The following SIX5 variants were observed in gnomAD, a reference collection of about 807,000 sequenced individuals.
The protein encoded by SIX5 is homeobox protein SIX5.
A neutral mutation model predicts 37.1 loss-of-function variants in SIX5; 21 were observed. The ratio of observed to expected loss-of-function variants is 0.57; its 90% CI spans 0.40 to 0.81. The LOEUF (loss-of-function observed/expected upper bound fraction) is 0.81. Among genes scored for constraint, SIX5 ranks in the 40% least tolerant of loss-of-function variants. SIX5 has a pLI of 0.00. For synonymous variants in SIX5, 626 were observed against 505.9 expected (o/e 1.24, Z -3.19); for missense variants, 1,137 against 1,025.1 (o/e 1.11, Z -1.49).
intron 1 of SIX5, chr19:45,767,698 G>A (rs1568565120): frequency 2.6e-6 from 1 of 389,126 alleles, no homozygotes. Context: ...AAGGGGGCTG[G>A]GAGGCAGCCC....
Position 45,768,772 on chromosome 19 carries a change from T to TCGA in SIX5, c.72_73insTCG (p.Ala24_Thr25insSer), listed in dbSNP as rs1969151682. 1 of 1,525,322 alleles carries TCGA rather than the reference T, an allele frequency of 6.6e-7. No individual in the cohort carries two copies. The highest frequency in any genetic ancestry group is 1.2e-5 in the South Asian group (1 of 82,948). The allele number at this position is 1,525,322 out of a possible 1,614,324, so 94.5% of individuals were successfully genotyped here. A position where few individuals can be genotyped will look rare whatever the true frequency, so the allele number is the denominator to read the frequency against. Reference sequence around the variant, plus strand: ...CGCGCTTCCTCCTCCTCCTCTTCGGTCGCCGCCGCCGCCGCCACCGCCTCC... The same window carrying TCGA: ...CGCGCTTCCTCCTCCTCCTCTTCGGTCGACGCCGCCGCCGCCGCCACCGCCTCC... On this transcript the variant is annotated inframe_insertion, in exon 1 of 3. Transcript: ENST00000317578.
In SIX5 at chr19:45,767,097, C is replaced by T. The variant is rs1038261285; in HGVS notation, c.862G>A (p.Glu288Lys). 1 of 1,612,090 alleles carries T rather than the reference C, an allele frequency of 6.2e-7. No individual in the cohort carries two copies. The highest frequency in any genetic ancestry group is 8.5e-7 in the Non-Finnish European group (1 of 1,179,638). Reference sequence around the variant, plus strand: ...GCGGACACTGGGGCCGCCCCTCTCTCCAGGTCCTCAGGACTTCGGCTGGAC... The same window carrying T: ...GCGGACACTGGGGCCGCCCCTCTCTTCAGGTCCTCAGGACTTCGGCTGGAC... The part of the protein sequence containing the change: ...DESSRSPEDL[E>K]RGAAPVSAEA... The change falls in exon 2 of 3, where the codon GAG becomes AAG. Residue 288 changes from glutamate to lysine, a missense_variant. Glu to Lys is a moderately conservative substitution (Grantham distance 56). Around this residue, in one of 3 missense-constraint regions of SIX5, gnomAD observed 787 missense variants for 621.4 expected, o/e 1.27. Coordinates refer to ENST00000317578, the MANE Select transcript of SIX5 (RefSeq NM_175875.5).
At position 45,768,183 on chromosome 19, in the gene SIX5, C is replaced by A; in HGVS notation, c.662G>T (p.Arg221Leu). 1 of 1,612,986 alleles carries A rather than the reference C, an allele frequency of 6.2e-7. No homozygotes were observed. Among genetic ancestry groups the A allele is most frequent in the Non-Finnish European group, 8.5e-7 (1 of 1,179,790 alleles). ...GTCCGGCGTGGGGTAGCGGTTGCCG[C>A]GGTAGCAGGCCTTGAGCGCTGCGCG... is the stretch of plus-strand genomic sequence containing the variant. Reference protein sequence around the residue: ...RSRAALKACYRGNRYPTPDEK... With the variant: ...RSRAALKACYLGNRYPTPDEK... Residue 221 changes from arginine to leucine, a missense_variant, in exon 1 of 3, where the codon CGC becomes CTC. Around this residue, in one of 3 missense-constraint regions of SIX5, gnomAD observed 331 missense variants for 360.9 expected, o/e 0.92. Coordinates refer to ENST00000317578, the MANE Select transcript of SIX5 (RefSeq NM_175875.5).
In SIX5 at chr19:45,766,903, C is replaced by A; in HGVS notation, c.1056G>T (p.Glu352Asp). 8.4e-6 allele frequency: 13 copies of A among 1,553,496 alleles called. No individual in the cohort carries two copies. Among genetic ancestry groups the A allele is most frequent in the Non-Finnish European group, 1.1e-5 (13 of 1,151,984 alleles). ...PVIINGLALG[E>D]ASSLGPLLLT... is the part of the protein sequence containing the mutation. ...GCAGCAGCGGGCCCAGGCTGGAGGC[C>A]TCGCCCAGGGCCAGGCCGTTGATGA... The change falls in exon 2 of 3, where the codon GAG (glutamate) becomes GAT (aspartate). Residue 352 changes from glutamate to aspartate, a missense_variant. Physicochemically the swap from Glu to Asp is conservative, Grantham distance 45 (BLOSUM62 2). This residue lies in a region of SIX5 where 787 missense variants were observed against 621.4 expected (regional missense o/e 1.27). Transcript: ENST00000317578.
In SIX5 at chr19:45,766,797, G is replaced by A. The variant is rs1221704895; in HGVS notation, c.1162C>T (p.Pro388Ser). Reference protein sequence around the residue: ...SETKTSLVLDPQTGEVRLEEA... With the variant: ...SETKTSLVLDSQTGEVRLEEA... The stretch of plus-strand genomic sequence containing the variant: ...TCCAGCCGCACCTCCCCTGTCTGAG[G>A]GTCCAGGACCAGAGAGGTCTTGGTC... Residue 388 changes from proline (P) to serine (S), a missense_variant, in exon 2 of 3, where the codon CCT (proline) becomes TCT (serine). Pro to Ser is a moderately conservative substitution (Grantham distance 74, BLOSUM62 -1). Around this residue, in one of 3 missense-constraint regions of SIX5, gnomAD observed 787 missense variants for 621.4 expected, o/e 1.27. Transcript: ENST00000317578. 10 of 1,571,574 alleles carry A rather than the reference G, an allele frequency of 6.4e-6. No homozygotes were observed. Among genetic ancestry groups the A allele is most frequent in the Admixed American group, 1.8e-5 (1 of 55,956 alleles).
Position 45,768,352 on chromosome 19 carries a change from G to C in SIX5, c.493C>G (p.Leu165Val), listed in dbSNP as rs368485758. ...AHHAFLQDLY[L>V]RARYHEAERA... Reference sequence around the variant, plus strand: ...TCGGCCTCATGGTAGCGCGCGCGCAGGTAGAGGTCCTGCAGGAAGGCGTGG... The same window carrying C: ...TCGGCCTCATGGTAGCGCGCGCGCACGTAGAGGTCCTGCAGGAAGGCGTGG... Residue 165 changes from leucine (L) to valine (V), a missense_variant, in exon 1 of 3, where the codon CTG (leucine) becomes GTG (valine). Coordinates refer to ENST00000317578, the MANE Select transcript of SIX5 (RefSeq NM_175875.5). 1.4e-5 allele frequency: 22 copies of C among 1,599,272 alleles called. No homozygotes were observed. Among genetic ancestry groups the C allele is most frequent in the East Asian group, 4.5e-5 (2 of 44,442 alleles).
rs771232502 is a variant in SIX5, at chr19:45,766,728, C to A, written c.1231G>T (p.Ala411Ser). 2 of 1,569,964 alleles carry A rather than the reference C, an allele frequency of 1.3e-6. No individual in the cohort carries two copies. The highest frequency in any genetic ancestry group is 1.2e-5 in the South Asian group (1 of 85,898). Residue 411 changes from alanine to serine, a missense_variant, in exon 2 of 3, where the codon GCT (alanine) becomes TCT (serine). Transcript: ENST00000317578. ...EAPETKGAQV[A>S]APGPALGEEV... ...TCTCCAAGGGCTGGTCCCGGAGCAG[C>A]CACCTGGGCCCCTTTGGTCTCAGGG...
chr19:45,766,310 C>A (rs371158007), intron 2 of SIX5, 40 bp downstream of exon 2: 1 of 1,537,506 alleles, frequency 6.5e-7, no homozygotes. Context: ...GCACCCCTCC[C>A]CGGCTCTCAC....
In SIX5 at chr19:45,766,363, C is replaced by T. The variant is rs765421480; in HGVS notation, c.1596G>A (p.Ser532=). Residue 532 remains serine, a synonymous_variant, in exon 2 of 3, where the codon TCG becomes TCA. Coordinates refer to ENST00000317578, the MANE Select transcript of SIX5 (RefSeq NM_175875.5). ...AGATGGGGGTACCTGGGGCAGTGGC[C>T]GAAGGCAGCTGCAGGGCAGTCACGC... ...GVGVTALQLP[S]ATAPGNFLLA... 7 of 1,587,470 alleles carry T rather than the reference C, an allele frequency of 4.4e-6. No homozygotes were observed. Among genetic ancestry groups the T allele is most frequent in the East Asian group, 4.6e-5 (2 of 43,406 alleles).
intron 1 of SIX5, 110 bp downstream of exon 1, chr19:45,767,932 G>T: frequency 8.7e-7 from 1 of 1,151,578 alleles, no homozygotes; most frequent in Non-Finnish European, 1.2e-6. Flanking sequence ...GGTCCCGGGA[G>T]ATGTCCGAGG....
At chr19:45,767,948 G>A (rs550800552) in intron 1 of SIX5, 94 bp downstream of exon 1, 2 of 1,315,666 alleles carry the variant, frequency 1.5e-6, no homozygotes, top group Admixed American at 2.5e-5. Context: ...CGAGGACCTC[G>A]GCGCGCCGGC....
Position 45,765,491 on chromosome 19 carries a change from C to CCA in SIX5, c.*8_*9dup. The stretch of plus-strand genomic sequence containing the variant: ...ACCAATGTCGGGAGAGGCCACGGGG[C>CCA]CACACTGGGTCACAGTTCCAAGGGC... On this transcript the variant is annotated 3_prime_UTR_variant, in exon 3 of 3. Coordinates refer to ENST00000317578, the MANE Select transcript of SIX5 (RefSeq NM_175875.5). The CCA allele has an allele frequency of 6.2e-7, 1 of 1,613,256 alleles. No homozygotes were observed. Among genetic ancestry groups the CCA allele is most frequent in the East Asian group, 2.2e-5 (1 of 44,888 alleles).
rs201416246 is a variant in SIX5 at position 45,765,529 on chromosome 19, A to G, written c.2192T>C (p.Val731Ala). 11 of 1,613,286 alleles carry G rather than the reference A, an allele frequency of 6.8e-6. No individual in the cohort carries two copies. Among genetic ancestry groups the G allele is most frequent in the African/African-American group, 1.3e-5 (1 of 74,924 alleles). Residue 731 changes from valine to alanine, a missense_variant, in exon 3 of 3, where the codon GTG (valine) becomes GCG (alanine). By Grantham distance (64) the Val-to-Ala change is moderately conservative (BLOSUM62 0). Around this residue, in one of 3 missense-constraint regions of SIX5, gnomAD observed 787 missense variants for 621.4 expected, o/e 1.27. Coordinates refer to ENST00000317578, the MANE Select transcript of SIX5 (RefSeq NM_175875.5). Reference protein sequence around the residue: ...EAKVLTQLQSVPVEEPLEL With the variant: ...EAKVLTQLQSAPVEEPLEL ...CAGTTCCAAGGGCTCCTCCACAGGC[A>G]CCGACTGGAGCTGGGTCAGAACCTT...
chr19:45,768,452 G>A lies in SIX5; in HGVS notation c.393C>T (p.Ala131=), dbSNP rs1449099072. Residue 131 remains alanine (A), a synonymous_variant, in exon 1 of 3, where the codon GCC becomes GCT. Coordinates refer to ENST00000317578, the MANE Select transcript of SIX5 (RefSeq NM_175875.5). The stretch of plus-strand genomic sequence containing the variant: ...ACTCGCCCCGCTGGAAGGCCACCAG[G>A]GCCCGCGCGCGCAACACCGGGTCGC... ...RGSDPVLRAR[A]LVAFQRGEYA... is the part of the protein sequence containing the mutation. 4.6e-6 allele frequency: 7 copies of A among 1,531,518 alleles called. No homozygotes were observed. Among genetic ancestry groups the A allele is most frequent in the African/African-American group, 4.1e-5 (3 of 72,578 alleles). 94.9% of individuals were successfully genotyped at this position (1,531,518 alleles called of 1,614,324 possible).
chr19:45,768,901 A>G lies in SIX5; in HGVS notation c.-57T>C. 8.0e-7 allele frequency: 1 copy of G among 1,248,124 alleles called. No individual in the cohort carries two copies. The highest frequency in any genetic ancestry group is 2.2e-5 in the African/African-American group (1 of 45,530). The allele number at this position is 1,248,124 out of a possible 1,614,324, so 77.3% of individuals were successfully genotyped here. On this transcript the variant is annotated 5_prime_UTR_variant, in exon 1 of 3. Transcript: ENST00000317578. ...TCTCTTCCTCCCTCGGGCTTTCCCCAGCCTCCTCCCCCACCTGTCCCCCCT... is the reference window on the plus strand; with the variant it reads ...TCTCTTCCTCCCTCGGGCTTTCCCCGGCCTCCTCCCCCACCTGTCCCCCCT...
rs1969150880 is a variant in SIX5 at position 45,768,757 on chromosome 19, C to T, written c.88G>A (p.Glu30Lys). 5.2e-6 allele frequency: 8 copies of T among 1,526,798 alleles called. No homozygotes were observed. The highest frequency in any genetic ancestry group is 1.2e-5 in the South Asian group (1 of 83,076). The allele number at this position is 1,526,798 out of a possible 1,614,324, so 94.6% of individuals were successfully genotyped here. The change falls in exon 1 of 3, where the codon GAG (glutamate) becomes AAG (lysine). Residue 30 changes from glutamate (E) to lysine (K), a missense_variant. Physicochemically the swap from Glu to Lys is moderately conservative, Grantham distance 56. Transcript: ENST00000317578. ...GTCTGCAAGAGCTGGCGCGCTTCCT[C>T]CTCCTCCTCTTCGGTCGCCGCCGCC... ...AAAAATEEEE[E>K]EARQLLQTLQ... is the part of the protein sequence containing the mutation.
intron 1 of SIX5, 132 bp downstream of exon 1, chr19:45,767,910 A>T: frequency 1.0e-6 from 1 of 986,954 alleles, no homozygotes; most frequent in Non-Finnish European, 1.5e-6. Context: ...CGGGCGCCTG[A>T]GATTGTGAGC....
In SIX5 at chr19:45,765,716, G is replaced by T; in HGVS notation, c.2005C>A (p.Leu669Met). The change falls in exon 3 of 3, where the codon CTG becomes ATG. Residue 669 changes from leucine to methionine, a missense_variant. Physicochemically the swap from Leu to Met is conservative, Grantham distance 15 (BLOSUM62 2). Around this residue, in one of 3 missense-constraint regions of SIX5, gnomAD observed 787 missense variants for 621.4 expected, o/e 1.27. Transcript: ENST00000317578. ...PAAVPVWSAG[L>M]ELSAGTEGLL... ...CCCTCTGTTCCTGCGCTTAGTTCCAGCCCTGCTGACCAGACAGGCACGGCC... is the reference window on the plus strand; with the variant it reads ...CCCTCTGTTCCTGCGCTTAGTTCCATCCCTGCTGACCAGACAGGCACGGCC... The T allele has an allele frequency of 6.2e-7, 1 of 1,612,888 alleles. No individual in the cohort carries two copies. Among genetic ancestry groups the T allele is most frequent in the East Asian group, 2.2e-5 (1 of 44,882 alleles).
chr19:45,766,588 G>A lies in SIX5; in HGVS notation c.1371C>T (p.Ser457=), dbSNP rs751735954. The A allele has an allele frequency of 1.8e-5, 26 of 1,470,144 alleles. No homozygotes were observed. Among genetic ancestry groups the A allele is most frequent in the Non-Finnish European group, 2.3e-5 (25 of 1,105,938 alleles). 91.1% of individuals were successfully genotyped at this position (1,470,144 alleles called of 1,614,324 possible). The change falls in exon 2 of 3, where the codon TCC becomes TCT. Residue 457 remains serine, a synonymous_variant. Transcript: ENST00000317578. ...AVAAPQVVPL[S]PPPGYPTGLS... ...GGCCCGTGGGATACCCCGGGGGTGG[G>A]GAGAGCGGTACCACTTGTGGGGCAG... is the stretch of plus-strand genomic sequence containing the variant.
Sources: gnomAD v4.1 joint callset for allele counts on GRCh38, gnomAD v4.1.1 for gene constraint, gnomAD v4.1.1 regional missense constraint, MANE v1.5 for transcripts, NCBI Gene and HGNC (gene_info 2026-07-23, HGNC 2026-07-21) for gene names.